CD163L1: variants seen among roughly 807,000 people sequenced by gnomAD.
CD163L1 encodes CD163 molecule like 1, also known as scavenger receptor cysteine-rich type 1 protein M160.
In CD163L1, 124 loss-of-function variants were observed where a neutral mutation model predicts 165.4. The observed-to-expected ratio is 0.75, with a 90% CI of 0.65 to 0.87. CD163L1 has a LOEUF of 0.87. Among genes scored for constraint, CD163L1 ranks in the 40% least tolerant of loss-of-function variants. CD163L1 has a pLI of 0.00. For missense variants in CD163L1, 1,525 were observed against 1,799.9 expected, an observed-to-expected ratio of 0.85 and a Z score of 2.76; for synonymous variants, 585 against 662.2, an observed-to-expected ratio of 0.88 and a Z score of 1.79.
In CD163L1 at chr12:7,374,940, G is replaced by C. The variant is rs1947232235; in HGVS notation, c.3002-17C>G. The C allele has an allele frequency of 1.9e-6, 3 of 1,612,222 alleles. No individual in the cohort carries two copies. Among genetic ancestry groups the C allele is most frequent in the Non-Finnish European group, 2.5e-6 (3 of 1,178,264 alleles). ...TCAGGCTTCCTGGTGGAGGGTGCAG[G>C]AAATGGGGCAAAAGTAAGACCAAAA... On this transcript the variant is annotated splice_polypyrimidine_tract_variant and intron_variant, in intron 11 of 19. Coordinates refer to ENST00000313599, the MANE Select transcript of CD163L1 (RefSeq NM_174941.6). The surrounding 1 kb of genome is among the most constrained non-coding windows in gnomAD (Gnocchi z 5.4).
chr12:7,416,660 T>C (rs1402746998), intron 4 of CD163L1, among the ~76,000 whole-genome samples: 1 of 152,166 alleles, frequency 6.6e-6, no homozygotes, highest in Non-Finnish European at 1.5e-5. Context: ...CCCAATGCCA[T>C]TTACTAAATG....
At chr12:7,323,746 A>T in the CD163L1 span, among the ~76,000 whole-genome samples, 1 of 152,240 alleles carries the variant, frequency 6.6e-6, no homozygotes, top group Non-Finnish European at 1.5e-5. Context: ...AACCAGTTGC[A>T]GTGGTTATCC....
rs755940365 is a variant in CD163L1 at position 7,413,183 on chromosome 12, G to C, written c.767-6331C>G. Among the ~76,000 whole-genome samples the C allele has an allele frequency of 1.1e-4, 17 of 151,318 alleles. 1 individual carries two copies. The South Asian group carries it at 3.6e-3, about 32-fold the overall frequency. On this transcript the variant is annotated intron_variant, in intron 4 of 19. Coordinates refer to ENST00000313599, the MANE Select transcript of CD163L1 (RefSeq NM_174941.6). Reference sequence around the variant, plus strand: ...CACATTAAAGAGGATAAGAAGGACAGTTTCACTTTCCCTGTATCACTCTTC... The same window carrying C: ...CACATTAAAGAGGATAAGAAGGACACTTTCACTTTCCCTGTATCACTCTTC...
At chr12:7,420,512 A>G (rs1027759802) in intron 4 of CD163L1, among the ~76,000 whole-genome samples, 1 of 151,584 alleles carries the variant, frequency 6.6e-6, no homozygotes, top group Non-Finnish European at 1.5e-5. Context: ...AATTAGCAAG[A>G]AAAAAAACAA....
chr12:7,406,720 C>T lies in CD163L1; in HGVS notation c.899G>A (p.Cys300Tyr). 1 of 1,614,116 alleles carries T rather than the reference C, an allele frequency of 6.2e-7. No homozygotes were observed. Among genetic ancestry groups the T allele is most frequent in the Non-Finnish European group, 8.5e-7 (1 of 1,180,010 alleles). Residue 300 changes from cysteine (C) to tyrosine (Y), a missense_variant, in exon 5 of 20, where the codon TGC becomes TAC. Coordinates refer to ENST00000313599, the MANE Select transcript of CD163L1 (RefSeq NM_174941.6). Reference sequence around the variant, plus strand: ...TGCGGTTCCACATCCCAACTGCTTGCATACGACATCAGCTGCAGCATTGTT... The same window carrying T: ...TGCGGTTCCACATCCCAACTGCTTGTATACGACATCAGCTGCAGCATTGTT... ...KWNNAAADVV[C>Y]KQLGCGTALH...
chr12:7,391,536 T>C (rs1290102818), intron 8 of CD163L1, among the ~76,000 whole-genome samples: 2 of 152,166 alleles, frequency 1.3e-5, no homozygotes, highest in Admixed American at 6.6e-5. Context: ...AATAACCTGA[T>C]GGAGCCGAAA....
At chr12:7,404,107 A>T (rs1033463892) in intron 5 of CD163L1, among the ~76,000 whole-genome samples, 17 of 152,198 alleles carry the variant, frequency 1.1e-4, no homozygotes, top group African/African-American at 4.1e-4. Context: ...TCTTTTAAAT[A>T]TGAAAATTGA....
In CD163L1 at chr12:7,369,797, T is replaced by C; in HGVS notation, c.3731-132A>G. ...TGGTAAGGAAGGCAGAATTTCAATGTTACATAGATTAGACAAGAACCTGTG... is the reference window on the plus strand; with the variant it reads ...TGGTAAGGAAGGCAGAATTTCAATGCTACATAGATTAGACAAGAACCTGTG... On this transcript the variant is annotated intron_variant, in intron 14 of 19. Coordinates refer to ENST00000313599, the MANE Select transcript of CD163L1 (RefSeq NM_174941.6). This position sits in a 1 kb window ranked among gnomAD's most constrained non-coding sequence, Gnocchi z 4.9. 1 of 734,062 alleles carries C rather than the reference T, an allele frequency of 1.4e-6. No individual in the cohort carries two copies. The highest frequency in any genetic ancestry group is 1.8e-5 in the South Asian group (1 of 55,122). 45.5% of individuals were successfully genotyped at this position (734,062 alleles called of 1,614,324 possible).
At chr12:7,367,213 G>A in intron 18 of CD163L1, 23 bp downstream of exon 18, 1 of 1,480,192 alleles carries the variant, frequency 6.8e-7, no homozygotes, top group Non-Finnish European at 9.4e-7. Context: ...TCCATGGAGT[G>A]CGGCCCCTGG....
At chr12:7,339,021 T>G in the CD163L1 span, among the ~76,000 whole-genome samples, 1 of 152,180 alleles carries the variant, frequency 6.6e-6, no homozygotes, top group Non-Finnish European at 1.5e-5. Context: ...AATGTAAGTG[T>G]CATGGTGGGC....
intron 14 of CD163L1, among the ~76,000 whole-genome samples, chr12:7,371,105 T>C (rs961466609): frequency 2.0e-5 from 3 of 152,216 alleles, no homozygotes; most frequent in Non-Finnish European, 4.4e-5. Context: ...ATGTAAGACG[T>C]GACTTTGCTC....
At chr12:7,346,186 G>A (rs1478486436), downstream of CD163L1, among the ~76,000 whole-genome samples, 1 of 152,144 alleles carries the variant, frequency 6.6e-6, no homozygotes, top group Non-Finnish European at 1.5e-5. Context: ...TCCTTGGGGT[G>A]TGTATTACTT....
chr12:7,401,805 T>C (rs1472917071), intron 6 of CD163L1, among the ~76,000 whole-genome samples: 1 of 151,986 alleles, frequency 6.6e-6, no homozygotes, highest in Non-Finnish European at 1.5e-5. Flanking sequence ...TGCATGTGGA[T>C]TTAAAAAATT....
At chr12:7,378,906 T>A (rs1947325322) in intron 9 of CD163L1, 72 bp downstream of exon 9, 1 of 1,421,248 alleles carries the variant, frequency 7.0e-7, no homozygotes, top group Non-Finnish European at 9.6e-7. Flanking sequence ...AATAGCCACT[T>A]CATAAACACG....
intron 8 of CD163L1, among the ~76,000 whole-genome samples, chr12:7,395,209 G>A (rs1203892070): frequency 6.6e-6 from 1 of 152,186 alleles, no homozygotes; most frequent in Non-Finnish European, 1.5e-5. Flanking sequence ...GTCCATCAGT[G>A]ATAGACTGGA....
intron 8 of CD163L1, among the ~76,000 whole-genome samples, chr12:7,395,017 A>G (rs1232180237): frequency 2.0e-5 from 3 of 152,218 alleles, no homozygotes; most frequent in South Asian, 4.1e-4. Context: ...TAGTTCAACC[A>G]TTGTGGAAGA....
Position 7,374,879 on chromosome 12 carries a change from C to T in CD163L1, c.3046G>A (p.Asp1016Asn). 1 of 1,614,138 alleles carries T rather than the reference C, an allele frequency of 6.2e-7. No individual in the cohort carries two copies. Among genetic ancestry groups the T allele is most frequent in the Non-Finnish European group, 8.5e-7 (1 of 1,180,010 alleles). The change falls in exon 12 of 20, where the codon GAC (aspartate) becomes AAC (asparagine). Residue 1016 changes from aspartate to asparagine, a missense_variant. Transcript: ENST00000313599. This position sits in a 1 kb window ranked among gnomAD's most constrained non-coding sequence, Gnocchi z 5.4. ...TCTGGAACTGCAGACAAATATGGGT[C>T]AGATACATTTGCGAGGCATGGAAAC... ...PLFPCLANVS[D>N]PYLSAVPEGS...
chr12:7,394,263 G>A (rs1271162998), intron 8 of CD163L1, among the ~76,000 whole-genome samples: 1 of 152,082 alleles, frequency 6.6e-6, no homozygotes, highest in Non-Finnish European at 1.5e-5. Flanking sequence ...AAATGGAACA[G>A]AACAGAGCCC....
At chr12:7,353,387 C>G (rs1389273386), downstream of CD163L1, among the ~76,000 whole-genome samples, 2 of 151,926 alleles carry the variant, frequency 1.3e-5, no homozygotes, top group Non-Finnish European at 2.9e-5. Flanking sequence ...TTGAAAATGT[C>G]TCAGATTTGC....
Sources: gnomAD v4.1 joint callset for allele counts (sites outside exome capture counted in the v4.1 genomes callset) on GRCh38, gnomAD v4.1.1 for gene constraint, Gnocchi (gnomAD v3.1) non-coding constraint, MANE v1.5 for transcripts, NCBI Gene and HGNC (gene_info 2026-07-23, HGNC 2026-07-21) for gene names.